Variants in WDR90 observed in about 807,000 individuals in gnomAD.
WDR90 encodes the protein WD repeat-containing protein 90.
WDR90 carries 238 observed loss-of-function variants against 195.2 expected under a neutral mutation model. The ratio of observed to expected loss-of-function variants is 1.22; its 90% CI spans 1.10 to 1.36. The LOEUF (loss-of-function observed/expected upper bound fraction) is 1.36. WDR90 is among the 40% of genes most tolerant of loss of function. WDR90 has a pLI of 0.00. For synonymous variants in WDR90, 1,265 were observed against 1,052.4 expected (o/e 1.20, Z -3.91); for missense variants, 2,734 against 2,439.5 (o/e 1.12, Z -2.54).
At chr16:657,506 C>T (rs550975175) in intron 20 of WDR90, 6 of 706,892 alleles carry the variant, frequency 8.5e-6, no homozygotes, top group African/African-American at 1.8e-5. Context: ...GGGCACCTGC[C>T]CTGTCCTGCG....
chr16:649,036 C>T, upstream of WDR90: 1 of 222,726 alleles, frequency 4.5e-6, no homozygotes, highest in Non-Finnish European at 8.7e-6. Flanking sequence ...CCCGGCCGTC[C>T]GTGGCATGGC....
Position 659,110 on chromosome 16 carries a change from C to CG in WDR90, c.3036_3037insG (p.Pro1013AlafsTer194), listed in dbSNP as rs1420647539. ...GCGACCAAAGCTTCCCCGGGGCCCC[C>CG]CCAGCCTGCAAGACAGGTGAGTGGC... On this transcript the variant is annotated frameshift_variant, in exon 25 of 41. Transcript: ENST00000293879. LOFTEE classifies it high-confidence loss of function. 13 of 1,612,420 alleles carry CG rather than the reference C, an allele frequency of 8.1e-6. No homozygotes were observed. The highest frequency in any genetic ancestry group is 1.3e-5 in the African/African-American group (1 of 75,048).
In WDR90 at chr16:655,688, C is replaced by T; in HGVS notation, c.1834C>T (p.Gln612Ter). Reference protein sequence around the residue: ...RTPGGPHPQKQTFSSGPGIAI... With the variant: ...RTPGGPHPQK ...TCCAGGCGGTCCCCACCCACAGAAGCAGACCTTCAGCTCAGGTAAGAGGGC... is the reference window on the plus strand; with the variant it reads ...TCCAGGCGGTCCCCACCCACAGAAGTAGACCTTCAGCTCAGGTAAGAGGGC... Residue 612 changes from glutamine to a stop codon, truncating the protein, a stop_gained, in exon 16 of 41, where the codon CAG becomes TAG. Coordinates refer to ENST00000293879, the MANE Select transcript of WDR90 (RefSeq NM_145294.5). LOFTEE classifies it high-confidence loss of function. The T allele has an allele frequency of 1.3e-6, 2 of 1,596,572 alleles. No homozygotes were observed. Among genetic ancestry groups the T allele is most frequent in the Non-Finnish European group, 1.7e-6 (2 of 1,171,360 alleles).
chr16:658,466 C>A, intron 22 of WDR90, 59 bp from the exon 23 acceptor site: 1 of 1,582,820 alleles, frequency 6.3e-7, no homozygotes, highest in East Asian at 2.3e-5. Context: ...CGAAGGGAGG[C>A]CCCAGGCTGC....
In WDR90 at chr16:657,176, C is replaced by T. The variant is rs1431200251; in HGVS notation, c.2428C>T (p.Gln810Ter). 1.9e-6 allele frequency: 3 copies of T among 1,558,598 alleles called. No individual in the cohort carries two copies. The highest frequency in any genetic ancestry group is 1.7e-6 in the Non-Finnish European group (2 of 1,151,814). ...FSSCSQGSLA[Q>*]YSCADPQWHV... ...CTCCTGCTCCCAGGGCTCCCTGGCC[C>T]AGTACAGCTGTGCGGACCCCCAGTG... Residue 810 changes from glutamine (Q) to a stop codon, truncating the protein, a stop_gained, in exon 20 of 41, where the codon CAG becomes TAG. Transcript: ENST00000293879. LOFTEE classifies it high-confidence loss of function.
chr16:659,440 G>A (rs1368427712), intron 26 of WDR90, 64 bp downstream of exon 26: 1 of 1,556,402 alleles, frequency 6.4e-7, no homozygotes, highest in Non-Finnish European at 8.7e-7. Context: ...CAGGCCCAGT[G>A]GCAGCAGGTA....
rs1177873372 is a variant in WDR90, at chr16:653,419, G to T, written c.1201G>T (p.Glu401Ter). Residue 401 changes from glutamate (E) to a stop codon, truncating the protein, a stop_gained, in exon 11 of 41, where the codon GAG becomes TAG. Coordinates refer to ENST00000293879, the MANE Select transcript of WDR90 (RefSeq NM_145294.5). LOFTEE classifies it high-confidence loss of function. Reference protein sequence around the residue: ...VIVVLLVDTGEQRFFLGHTDK... With the variant: ...VIVVLLVDTG ...CGTCGTCCTGCTCGTGGACACGGGG[G>T]AGCAGCGCTTCTTCCTTGGCCACAC... 2 of 1,611,594 alleles carry T rather than the reference G, an allele frequency of 1.2e-6. No individual in the cohort carries two copies. The highest frequency in any genetic ancestry group is 2.7e-5 in the African/African-American group (2 of 74,964).
At position 658,694 on chromosome 16, in the gene WDR90, C is replaced by T. The variant is rs759625270; in HGVS notation, c.2895+41C>T. 19 of 1,593,114 alleles carry T rather than the reference C, an allele frequency of 1.2e-5. No individual in the cohort carries two copies. In the Admixed American group the frequency reaches 3.2e-4, roughly 27 times the overall value. On this transcript the variant is annotated intron_variant, in intron 23 of 40. Coordinates refer to ENST00000293879, the MANE Select transcript of WDR90 (RefSeq NM_145294.5). ...GGCAGGTGGCTTTGGCGGTCAGGAG[C>T]CTCCTCAGGTGGCCCTGGAGACCCC...
At position 651,963 on chromosome 16, in the gene WDR90, A is replaced by G. The variant is rs769875683; in HGVS notation, c.977A>G (p.His326Arg). The change falls in exon 9 of 41, where the codon CAC becomes CGC. Residue 326 changes from histidine to arginine, a missense_variant. By Grantham distance (29) the His-to-Arg change is conservative. Coordinates refer to ENST00000293879, the MANE Select transcript of WDR90 (RefSeq NM_145294.5). ...GCCCAGCTGGAGGCCTCTGACATCC[A>G]CACGGCTGCTGCCGGCACCCACGTG... is the stretch of plus-strand genomic sequence containing the variant. The part of the protein sequence containing the change: ...PWAQLEASDI[H>R]TAAAGTHVLT... 1 of 1,607,982 alleles carries G rather than the reference A, an allele frequency of 6.2e-7. No individual in the cohort carries two copies. The highest frequency in any genetic ancestry group is 1.1e-5 in the South Asian group (1 of 90,328).
At chr16:666,420 A>G in intron 37 of WDR90, 35 bp from the exon 38 acceptor site, 1 of 1,608,350 alleles carries the variant, frequency 6.2e-7, no homozygotes, top group Non-Finnish European at 8.5e-7. Flanking sequence ...TCTTGGCAGA[A>G]GGCACCTGTC....
At chr16:664,684 ATTT>A (rs71391146) in intron 34 of WDR90, among the ~76,000 whole-genome samples, 1 of 141,746 alleles carries the variant, frequency 7.1e-6, no homozygotes. Context: ...GCTGAACTGA[ATTT>A]TTTTTTTTTT....
intron 37 of WDR90, 39 bp from the exon 38 acceptor site, chr16:666,416 C>A: frequency 1.2e-6 from 2 of 1,608,440 alleles, no homozygotes; most frequent in South Asian, 2.2e-5. Flanking sequence ...ACCATCTTGG[C>A]AGAAGGCACC....
upstream of WDR90, chr16:649,266 A>C: frequency 1.1e-6 from 1 of 915,578 alleles, no homozygotes; most frequent in East Asian, 3.3e-5. Context: ...GGGTACTCCC[A>C]CCGGGGAGGT....
chr16:650,398 G>C, intron 4 of WDR90, 36 bp downstream of exon 4: 1 of 1,597,430 alleles, frequency 6.3e-7, no homozygotes, highest in Non-Finnish European at 8.6e-7. Flanking sequence ...ATCCAGGACA[G>C]GTGGCTGGAG....
At position 667,417 on chromosome 16, in the gene WDR90, A is replaced by C. The variant is rs748687611; in HGVS notation, c.5090-15A>C. 32 of 1,585,512 alleles carry C rather than the reference A, an allele frequency of 2.0e-5. No individual in the cohort carries two copies. Among genetic ancestry groups the C allele is most frequent in the Non-Finnish European group, 2.4e-5 (28 of 1,161,774 alleles). The stretch of plus-strand genomic sequence containing the variant: ...CTGGTCCTGGCCCTGGCCCACCTGC[A>C]CCGTCTACCCACAGAGTGCATGCTG... On this transcript the variant is annotated splice_polypyrimidine_tract_variant and intron_variant, in intron 40 of 40. Coordinates refer to ENST00000293879, the MANE Select transcript of WDR90 (RefSeq NM_145294.5).
chr16:663,032 C>T, intron 34 of WDR90, 188 bp downstream of exon 34: 1 of 884,016 alleles, frequency 1.1e-6, no homozygotes, highest in Admixed American at 2.0e-5. Context: ...CCGGTTGTGT[C>T]TGCACAAGCG....
chr16:649,809 C>A lies in WDR90; in HGVS notation c.57C>A (p.Asp19Glu). ...FLNVFRHFRV[D>E]EWKRSAKQGD... ...ACGTCTTCAGACACTTCCGGGTGGA[C>A]GAGTGGAAGCGCTCCGCCAAGCAGG... The change falls in exon 2 of 41, where the codon GAC (aspartate) becomes GAA (glutamate). Residue 19 changes from aspartate (D) to glutamate (E), a missense_variant. Asp to Glu is a conservative substitution (Grantham distance 45). Coordinates refer to ENST00000293879, the MANE Select transcript of WDR90 (RefSeq NM_145294.5). 1 of 1,580,820 alleles carries A rather than the reference C, an allele frequency of 6.3e-7. No individual in the cohort carries two copies. Among genetic ancestry groups the A allele is most frequent in the African/African-American group, 1.3e-5 (1 of 74,506 alleles).
rs369533979 is a variant in WDR90 at position 661,359 on chromosome 16, G to T, written c.3531G>T (p.Ser1177=). The T allele has an allele frequency of 6.9e-5, 111 of 1,605,612 alleles. No individual in the cohort carries two copies. The highest frequency in any genetic ancestry group is 8.9e-5 in the Non-Finnish European group (105 of 1,177,512). ...SHSAQVLASA[S]GRSSTTAHCQ... is the part of the protein sequence containing the mutation. ...CCTGCCAGGTCCTGGCCTCTGCCTC[G>T]GGCCGAAGCAGCACGACCGCCCATT... Residue 1177 remains serine (S), a synonymous_variant, in exon 30 of 41, where the codon TCG becomes TCT. Transcript: ENST00000293879.
Position 666,973 on chromosome 16 carries a change from G to A in WDR90, c.5073G>A (p.Leu1691=). 3 of 1,606,556 alleles carry A rather than the reference G, an allele frequency of 1.9e-6. No individual in the cohort carries two copies. Among genetic ancestry groups the A allele is most frequent in the Non-Finnish European group, 2.6e-6 (3 of 1,176,466 alleles). ...SLSLSPGTHL[L]AVGFAECMLR... is the part of the protein sequence containing the mutation. ...GCCTGTCCCCCGGGACCCACCTCCTGGCTGTTGGCTTTGCTGGTGAGTGCT... is the reference window on the plus strand; with the variant it reads ...GCCTGTCCCCCGGGACCCACCTCCTAGCTGTTGGCTTTGCTGGTGAGTGCT... Residue 1691 remains leucine, a synonymous_variant, in exon 40 of 41, where the codon CTG becomes CTA. Transcript: ENST00000293879.
Sources: gnomAD v4.1 joint callset for allele counts (sites outside exome capture counted in the v4.1 genomes callset) on GRCh38, gnomAD v4.1.1 for gene constraint, MANE v1.5 for transcripts, NCBI Gene and HGNC (gene_info 2026-07-23, HGNC 2026-07-21) for gene names.